FRMD6: variants seen among roughly 807,000 people sequenced by gnomAD.
FRMD6 encodes FERM domain containing 6, also known as FERM domain-containing protein 6.
Under a neutral mutation model 73.2 loss-of-function variants are expected in FRMD6, and 37 were observed. That is an observed-to-expected ratio of 0.51 (90% CI 0.39 to 0.66). FRMD6 has a LOEUF of 0.66. FRMD6 is among the 30% of genes least tolerant of loss of function. FRMD6 has a pLI of 0.00. For synonymous variants in FRMD6, 273 were observed against 282.2 expected (o/e 0.97, Z 0.33); for missense variants, 714 against 780.5 (o/e 0.91, Z 1.02).
chr14:51,417,576 C>A, the FRMD6 span, among the ~76,000 whole-genome samples: 8 of 152,198 alleles, frequency 5.3e-5, no homozygotes, highest in Non-Finnish European at 8.8e-5. Context: ...TCTCTGGCTG[C>A]CCTTAACATT....
intron 1 of FRMD6, among the ~76,000 whole-genome samples, chr14:51,680,099 C>T (rs1312734800): frequency 6.6e-6 from 1 of 152,158 alleles, no homozygotes; most frequent in African/African-American, 2.4e-5. Flanking sequence ...TGTGTGCCAT[C>T]CAAGTGAATC....
chr14:51,712,742 C>A (rs1897013319), intron 9 of FRMD6, among the ~76,000 whole-genome samples, 191 bp downstream of exon 9: 2 of 152,178 alleles, frequency 1.3e-5, no homozygotes, highest in Non-Finnish European at 2.9e-5. Context: ...CTTTGTCACA[C>A]ATATCAGTAG....
chr14:51,704,791 A>G lies in FRMD6; in HGVS notation c.414A>G (p.Lys138=). 1 of 1,613,168 alleles carries G rather than the reference A, an allele frequency of 6.2e-7. No individual in the cohort carries two copies. The highest frequency in any genetic ancestry group is 8.5e-7 in the Non-Finnish European group (1 of 1,179,444). Residue 138 remains lysine (K), a synonymous_variant, in exon 6 of 14, where the codon AAA becomes AAG. Coordinates refer to ENST00000344768, the MANE Select transcript of FRMD6 (RefSeq NM_001267046.2). ...ARYYYYWHLR[K]QVLHSQCVLR... ...ACTATTATTACTGGCACCTGAGAAA[A>G]CAAGTTCTTCATTCTCAGTGTGTGC...
intron 1 of FRMD6, among the ~76,000 whole-genome samples, chr14:51,560,799 A>G (rs937443118): frequency 8.6e-5 from 13 of 152,026 alleles, no homozygotes; most frequent in Admixed American, 1.3e-4. Context: ...CACTTTTTTT[A>G]GTTACCCAGA....
chr14:51,651,432 C>A (rs1424936273), upstream of FRMD6: 1 of 152,272 alleles, frequency 6.6e-6, no homozygotes, highest in African/African-American at 2.4e-5. Context: ...CAAACAGCCG[C>A]CCCCGGCCAG....
intron 2 of FRMD6, among the ~76,000 whole-genome samples, chr14:51,622,281 G>A (rs985706769): frequency 5.3e-5 from 8 of 152,156 alleles, no homozygotes; most frequent in Non-Finnish European, 8.8e-5. Flanking sequence ...AACCTGTTGT[G>A]ATTTCTTTCC....
At chr14:51,546,580 C>A (rs1596570230) in intron 1 of FRMD6, 3 of 83,504 alleles carry the variant, frequency 3.6e-5, no homozygotes, top group South Asian at 4.7e-4. Flanking sequence ...TCCCCCTCCC[C>A]ATCAAAAAAA....
chr14:51,590,507 T>C (rs1042105885), intron 2 of FRMD6, among the ~76,000 whole-genome samples: 1 of 152,188 alleles, frequency 6.6e-6, no homozygotes, highest in African/African-American at 2.4e-5. Context: ...CCCTAATAGC[T>C]GAAGGATCTG....
chr14:51,474,933 T>C, the FRMD6 span, among the ~76,000 whole-genome samples: 1 of 152,228 alleles, frequency 6.6e-6, no homozygotes, highest in African/African-American at 2.4e-5. Context: ...TCTGCAGAGA[T>C]ATTTTTCTAA....
In FRMD6 at chr14:51,665,427, C is replaced by G. The variant is rs574010976; in HGVS notation, c.-147+13431C>G. Among the ~76,000 whole-genome samples the G allele has an allele frequency of 5.3e-5, 8 of 152,098 alleles. No homozygotes were observed. The South Asian group carries it at 1.5e-3, about 28-fold the overall frequency. ...ATACTTATTTTTTTTTCTCAGAGTT[C>G]CTTAAATCTAGCCAAATTGTTCTTC... On this transcript the variant is annotated intron_variant, in intron 1 of 13. Transcript: ENST00000344768.
At chr14:51,550,144 A>G (rs1293644477) in intron 1 of FRMD6, among the ~76,000 whole-genome samples, 1 of 152,232 alleles carries the variant, frequency 6.6e-6, no homozygotes, top group Non-Finnish European at 1.5e-5. Context: ...TTATGACAAC[A>G]TGAAGAAATT....
chr14:51,594,086 C>G (rs993958884), intron 2 of FRMD6, among the ~76,000 whole-genome samples: 1 of 152,030 alleles, frequency 6.6e-6, no homozygotes, highest in Non-Finnish European at 1.5e-5. Context: ...TTCTTATACC[C>G]CCTCCAGAGA....
At chr14:51,712,438 T>C in intron 8 of FRMD6, 45 bp from the exon 9 acceptor site, 1 of 1,156,454 alleles carries the variant, frequency 8.6e-7, no homozygotes. Flanking sequence ...TTTTACAGTA[T>C]CTATCATTTT....
At chr14:51,615,718 G>C (rs1192684424) in intron 2 of FRMD6, among the ~76,000 whole-genome samples, 3 of 152,164 alleles carry the variant, frequency 2.0e-5, no homozygotes, top group Non-Finnish European at 4.4e-5. Context: ...AAAAACAAAG[G>C]AAGAACCTCA....
chr14:51,524,907 T>A (rs1469931535), intron 1 of FRMD6, among the ~76,000 whole-genome samples: 1 of 151,810 alleles, frequency 6.6e-6, no homozygotes, highest in African/African-American at 2.4e-5. Flanking sequence ...TTTACAAGGA[T>A]GCAGCTTTAA....
chr14:51,579,864 C>A (rs1888615421), intron 2 of FRMD6, among the ~76,000 whole-genome samples: 1 of 152,178 alleles, frequency 6.6e-6, no homozygotes, highest in Non-Finnish European at 1.5e-5. Context: ...ACACTCACCA[C>A]CACTAAAAGC....
At chr14:51,419,185 C>A in the FRMD6 span, among the ~76,000 whole-genome samples, 1 of 152,198 alleles carries the variant, frequency 6.6e-6, no homozygotes, top group Non-Finnish European at 1.5e-5. Context: ...GTGGGCTGTG[C>A]CCACTGTCCA....
At chr14:51,679,927 C>T (rs960811551) in intron 1 of FRMD6, among the ~76,000 whole-genome samples, 9 of 152,090 alleles carry the variant, frequency 5.9e-5, no homozygotes, top group African/African-American at 1.9e-4. Flanking sequence ...AAATAAATAG[C>T]GTGAGTATGG....
rs151236816 is a variant in FRMD6, at chr14:51,515,624, A to G, written c.-210+26204A>G. Reference sequence around the variant, plus strand: ...ATGATAGGTTTCCTCTTCCTGCTACATGGTCTTTATAGTGACCAGCAGTAG... The same window carrying G: ...ATGATAGGTTTCCTCTTCCTGCTACGTGGTCTTTATAGTGACCAGCAGTAG... On this transcript the variant is annotated intron_variant, in intron 1 of 14. Coordinates refer to the FRMD6 transcript ENST00000356218. Among the ~76,000 whole-genome samples, 15 of 152,292 alleles carry G rather than the reference A, an allele frequency of 9.8e-5. No homozygotes were observed. In the East Asian group the frequency reaches 2.1e-3, roughly 22 times the overall value.
Sources: allele counts gnomAD v4.1 joint callset (sites outside exome capture counted in the v4.1 genomes callset), GRCh38; gene constraint gnomAD v4.1.1; transcripts MANE v1.5; gene names NCBI Gene and HGNC (gene_info 2026-07-23, HGNC 2026-07-21).